AVEN: variants seen among roughly 807,000 people sequenced by gnomAD.
The protein encoded by AVEN is apoptosis and caspase activation inhibitor.
Under a neutral mutation model 38.1 loss-of-function variants are expected in AVEN, and 41 were observed. The ratio of observed to expected loss-of-function variants is 1.08; its 90% CI spans 0.84 to 1.40. The LOEUF (loss-of-function observed/expected upper bound fraction) is 1.40, where lower values mean the gene tolerates loss of function less well. Ranked by LOEUF, AVEN falls within the 40% of genes most tolerant of loss-of-function variation. AVEN has a pLI of 0.00. For missense variants in AVEN, 605 were observed against 438.8 expected (o/e 1.38, Z -3.38); for synonymous variants, 206 against 171.8 (o/e 1.20, Z -1.56).
At chr15:33,934,322 T>C (rs767233033) in intron 2 of AVEN, among the ~76,000 whole-genome samples, 1 of 152,198 alleles carries the variant, frequency 6.6e-6, no homozygotes. Flanking sequence ...AATATGCCAC[T>C]GTACTCCAAT....
intron 2 of AVEN, among the ~76,000 whole-genome samples, chr15:33,920,056 A>C (rs1377399474): frequency 6.6e-6 from 1 of 151,930 alleles, no homozygotes; most frequent in Non-Finnish European, 1.5e-5. Flanking sequence ...CCTCAATAGT[A>C]CCCCTTGTTA....
intron 2 of AVEN, among the ~76,000 whole-genome samples, chr15:33,945,807 G>C (rs190828271): frequency 6.6e-6 from 1 of 152,142 alleles, no homozygotes; most frequent in South Asian, 2.1e-4. Context: ...GGATAGTCTC[G>C]ATCTCCTGAC....
intron 2 of AVEN, among the ~76,000 whole-genome samples, chr15:33,942,728 G>A (rs745575527): frequency 3.3e-5 from 5 of 152,162 alleles, no homozygotes; most frequent in African/African-American, 4.8e-5. Context: ...TGGGATTACA[G>A]GCGTGAGCCA....
chr15:33,956,637 T>C (rs1459634938), intron 2 of AVEN, among the ~76,000 whole-genome samples: 1 of 152,234 alleles, frequency 6.6e-6, no homozygotes, highest in Non-Finnish European at 1.5e-5. Flanking sequence ...TTGGTTATGG[T>C]GGGTTTTGCC....
At chr15:33,960,656 G>T (rs1231705678) in intron 2 of AVEN, among the ~76,000 whole-genome samples, 1 of 152,180 alleles carries the variant, frequency 6.6e-6, no homozygotes, top group Non-Finnish European at 1.5e-5. Flanking sequence ...AGCTGACACA[G>T]CTTAACATAC....
chr15:33,880,116 C>CAA (rs977715788), intron 2 of AVEN, among the ~76,000 whole-genome samples: 18 of 151,992 alleles, frequency 1.2e-4, no homozygotes, highest in African/African-American at 3.4e-4. Context: ...AACAAACAAA[C>CAA]AAAAAATGGG....
intron 5 of AVEN, among the ~76,000 whole-genome samples, chr15:34,045,072 ATAAAG>A (rs1411282376): frequency 1.3e-5 from 2 of 152,212 alleles, no homozygotes; most frequent in Non-Finnish European, 2.9e-5. Flanking sequence ...ATAATAAAAA[ATAAAG>A]TAATTTAATG....
At chr15:34,054,541 T>C (rs1342392945) in intron 5 of AVEN, among the ~76,000 whole-genome samples, 1 of 151,608 alleles carries the variant, frequency 6.6e-6, no homozygotes, top group Non-Finnish European at 1.5e-5. Context: ...ATAGATGGAG[T>C]TGGAAGCTAT....
intron 2 of AVEN, among the ~76,000 whole-genome samples, chr15:33,890,605 T>G (rs1460093373): frequency 6.6e-6 from 1 of 151,996 alleles, no homozygotes; most frequent in African/African-American, 2.4e-5. Context: ...AAATTTCTAG[T>G]AAATCAAATA....
chr15:33,995,850 C>T (rs988666741), intron 2 of AVEN, among the ~76,000 whole-genome samples: 7 of 152,202 alleles, frequency 4.6e-5, no homozygotes, highest in African/African-American at 1.4e-4. Context: ...GTGCAGGCCA[C>T]GGAGGGCGAG....
chr15:34,003,323 C>G, intron 1 of AVEN, 114 bp from the exon 2 acceptor site: 2 of 835,108 alleles, frequency 2.4e-6, no homozygotes, highest in South Asian at 3.2e-5. Context: ...ATAGACCAAG[C>G]TGTCTGAAGA....
chr15:34,008,976 AG>A (rs1266936005), intron 1 of AVEN, among the ~76,000 whole-genome samples: 2 of 125,874 alleles, frequency 1.6e-5, no homozygotes, highest in African/African-American at 5.2e-5. Context: ...ACACACACAC[AG>A]ACCATCGAGA....
intron 2 of AVEN, among the ~76,000 whole-genome samples, chr15:33,910,859 A>T (rs1302159885): frequency 6.6e-6 from 1 of 152,228 alleles, no homozygotes; most frequent in African/African-American, 2.4e-5. Context: ...ACTGCTGACT[A>T]GTTATCACTC....
exon 12 of AVEN, chr15:33,858,870 C>G (rs932634568): frequency 3.9e-5 from 6 of 152,492 alleles, no homozygotes; most frequent in African/African-American, 1.2e-4. Flanking sequence ...AGAGGTAACA[C>G]TTCTTGACGA....
At position 33,983,942 on chromosome 15, in the gene AVEN, A is replaced by G. The variant is rs527818495; in HGVS notation, c.445+19090T>C. On this transcript the variant is annotated intron_variant, in intron 2 of 5. Coordinates refer to ENST00000306730, the MANE Select transcript of AVEN (RefSeq NM_020371.3). ...TCAGCCTCATCATGAAAAAAAAAAA[A>G]ATCAGAAAAACCCAAATTAAGGGAC... Among the ~76,000 whole-genome samples the G allele has an allele frequency of 2.6e-5, 4 of 152,144 alleles. No individual in the cohort carries two copies. The East Asian group carries it at 7.7e-4, about 29-fold the overall frequency.
chr15:34,028,304 C>T (rs937764055), intron 1 of AVEN, among the ~76,000 whole-genome samples: 1 of 152,312 alleles, frequency 6.6e-6, no homozygotes, highest in African/African-American at 2.4e-5. Flanking sequence ...GTGGCTCACA[C>T]CTGTAGTCCC....
rs780268468 is a variant in AVEN, at chr15:34,063,703, G to A, written n.1127-271C>T. 9 of 1,614,100 alleles carry A rather than the reference G, an allele frequency of 5.6e-6. No individual in the cohort carries two copies. The highest frequency in any genetic ancestry group is 6.8e-6 in the Non-Finnish European group (8 of 1,180,048). Reference sequence around the variant, plus strand: ...CTCCAAGTGGTCTACAAGAGTCAGGGTAAGGAAAGCCCAGGGGAAGAATTC... The same window carrying A: ...CTCCAAGTGGTCTACAAGAGTCAGGATAAGGAAAGCCCAGGGGAAGAATTC... On this transcript the variant is annotated intron_variant and non_coding_transcript_variant, in intron 4 of 11. Coordinates refer to the AVEN transcript ENST00000675287. This position sits in a 1 kb window ranked among gnomAD's most constrained non-coding sequence, Gnocchi z 4.1.
intron 2 of AVEN, among the ~76,000 whole-genome samples, chr15:34,001,439 C>T (rs141505196): frequency 3.2e-4 from 48 of 152,244 alleles, no homozygotes; most frequent in African/African-American, 1.1e-3. Flanking sequence ...AAGTTAATTT[C>T]ATTGTATTAC....
intron 2 of AVEN, among the ~76,000 whole-genome samples, chr15:33,888,551 C>T (rs1416438169): frequency 3.9e-5 from 6 of 152,078 alleles, no homozygotes; most frequent in Non-Finnish European, 8.8e-5. Flanking sequence ...AAGATAAGGA[C>T]AGAGGTATAA....
Sources: gnomAD v4.1 joint callset for allele counts (sites outside exome capture counted in the v4.1 genomes callset) on GRCh38, gnomAD v4.1.1 for gene constraint, Gnocchi (gnomAD v3.1) non-coding constraint, MANE v1.5 for transcripts, NCBI Gene and HGNC (gene_info 2026-07-23, HGNC 2026-07-21) for gene names.